CIP2A: variants seen among roughly 807,000 people sequenced by gnomAD.
CIP2A encodes cellular inhibitor of PP2A.
CIP2A carries 103 observed loss-of-function variants against 110.9 expected under a neutral mutation model. The ratio of observed to expected loss-of-function variants is 0.93; its 90% CI spans 0.79 to 1.09. The LOEUF (loss-of-function observed/expected upper bound fraction) is 1.09, where lower values mean the gene tolerates loss of function less well. Among genes scored for constraint, CIP2A ranks in the 50% least tolerant of loss-of-function variants. The probability of loss-of-function intolerance (pLI) is 0.00; values close to 1 mark genes in which losing one functional copy is unlikely to be tolerated. For missense variants in CIP2A, 1,088 were observed against 1,038.4 expected, an observed-to-expected ratio of 1.05 and a Z score of -0.66; for synonymous variants, 381 against 361.6, an observed-to-expected ratio of 1.05 and a Z score of -0.61.
chr3:108,575,752 A>ATG (rs1459568109), intron 8 of CIP2A, among the ~76,000 whole-genome samples: 1 of 55,590 alleles, frequency 1.8e-5, no homozygotes, highest in African/African-American at 6.6e-5. Context: ...ACTCATATAC[A>ATG]TGTGTATATA....
chr3:108,563,233 C>A lies in CIP2A; in HGVS notation c.1527G>T (p.Leu509Phe). The part of the protein sequence containing the change: ...SFYKILQDPR[L>F]ITPLAFALTS... ...TTAAAGCAAAAGCCAAAGGAGTAAT[C>A]AAACGTGGGTCCTAAATAAATCAGA... The change falls in exon 13 of 21, where the codon TTG (leucine) becomes TTT (phenylalanine). Residue 509 changes from leucine (L) to phenylalanine (F), a missense_variant. Transcript: ENST00000295746. 6.2e-7 allele frequency: 1 copy of A among 1,604,248 alleles called. No individual in the cohort carries two copies. Among genetic ancestry groups the A allele is most frequent in the South Asian group, 1.1e-5 (1 of 90,728 alleles).
In CIP2A at chr3:108,557,410, C is replaced by A. The variant is rs200594380; in HGVS notation, c.2018G>T (p.Arg673Leu). The A allele has an allele frequency of 1.9e-6, 3 of 1,573,900 alleles. No homozygotes were observed. Among genetic ancestry groups the A allele is most frequent in the Non-Finnish European group, 2.6e-6 (3 of 1,159,418 alleles). The change falls in exon 17 of 21, where the codon CGG becomes CTG. Residue 673 changes from arginine (R) to leucine (L), a missense_variant. Transcript: ENST00000295746. The stretch of plus-strand genomic sequence containing the variant: ...TTCTCTCAACATACTAGCAAGTGTC[C>A]GTGCCTCAAAAAAAAAAAGAAGATA... ...CQRTQAETEA[R>L]TLASMLREVE...
chr3:108,566,422 C>CA, intron 11 of CIP2A, 75 bp downstream of exon 11: 1 of 1,175,880 alleles, frequency 8.5e-7, no homozygotes, highest in Non-Finnish European at 1.2e-6. Flanking sequence ...GATGGTCCTC[C>CA]AAAAGGATGA....
At chr3:108,560,283 T>C (rs1392965071) in intron 14 of CIP2A, among the ~76,000 whole-genome samples, 1 of 152,070 alleles carries the variant, frequency 6.6e-6, no homozygotes, top group East Asian at 1.9e-4. Flanking sequence ...GTGATTCTCC[T>C]GCCTCAGCCT....
intron 1 of CIP2A, 26 bp downstream of exon 1, chr3:108,589,248 C>G (rs754432487): frequency 8.1e-5 from 127 of 1,563,390 alleles, no homozygotes; most frequent in Non-Finnish European, 1.0e-4. Context: ...GAAGCCCCAT[C>G]TGTCCTCTAC....
rs758445232 is a variant in CIP2A at position 108,579,559 on chromosome 3, T to C, written c.672+7A>G. On this transcript the variant is annotated splice_region_variant and intron_variant, in intron 6 of 20. Coordinates refer to ENST00000295746, the MANE Select transcript of CIP2A (RefSeq NM_020890.3). ...ACTTCAGAATAAATTTGAAAAATTG[T>C]ATTTACCTTTTCCCCCACCTCTTCA... The C allele has an allele frequency of 1.4e-5, 22 of 1,578,460 alleles. No individual in the cohort carries two copies. In the Admixed American group the frequency reaches 1.7e-4, roughly 12 times the overall value.
chr3:108,569,704 G>T, intron 8 of CIP2A, 97 bp from the exon 9 acceptor site: 1 of 902,960 alleles, frequency 1.1e-6, no homozygotes, highest in South Asian at 1.6e-5. Flanking sequence ...ATATTTTAAA[G>T]AAAATATTCT....
In CIP2A at chr3:108,589,334, GAC is replaced by G. The variant is rs1359649799; in HGVS notation, c.40_41del (p.Val14GlnfsTer40). On this transcript the variant is annotated frameshift_variant, in exon 1 of 21. Transcript: ENST00000295746. LOFTEE classifies it high-confidence loss of function. Reference sequence around the variant, plus strand: ...CTGACTTCACGGCTTTGTACTGACTGACAGTCAGGAGCAAGGACTTCAAGCAG... The same window carrying G: ...CTGACTTCACGGCTTTGTACTGACTGAGTCAGGAGCAAGGACTTCAAGCAG... ...TACLKSLLLT[V>X]SQYKAVKSEA... The G allele has an allele frequency of 6.2e-7, 1 of 1,613,924 alleles. No homozygotes were observed. The highest frequency in any genetic ancestry group is 1.3e-5 in the African/African-American group (1 of 74,956).
intron 8 of CIP2A, 110 bp downstream of exon 8, chr3:108,576,161 A>T (rs1938644263): frequency 1.6e-6 from 1 of 613,506 alleles, no homozygotes; most frequent in Admixed American, 3.1e-5. Flanking sequence ...CCCTATTATA[A>T]AAATACAGAA....
In CIP2A at chr3:108,575,328, A is replaced by G. The variant is rs538384496; in HGVS notation, c.894+943T>C. 2.1e-3 allele frequency among the ~76,000 whole-genome samples: 316 copies of G among 150,682 alleles called. 3 individuals carry two copies. The highest frequency in any genetic ancestry group is 1.4e-3 in the Non-Finnish European group (92 of 67,652). The stretch of plus-strand genomic sequence containing the variant: ...CGTACACACACGTGCATGTACACAC[A>G]CGTGTATATATACATATACACACAT... On this transcript the variant is annotated intron_variant, in intron 8 of 20. Coordinates refer to ENST00000295746, the MANE Select transcript of CIP2A (RefSeq NM_020890.3).
intron 10 of CIP2A, among the ~76,000 whole-genome samples, chr3:108,567,579 T>C (rs1409901593): frequency 2.0e-5 from 3 of 151,894 alleles, no homozygotes; most frequent in Non-Finnish European, 1.5e-5. Flanking sequence ...AAAATCAGTA[T>C]ATAGAAGTTA....
At chr3:108,560,364 G>T (rs1414197053) in intron 14 of CIP2A, among the ~76,000 whole-genome samples, 1 of 151,922 alleles carries the variant, frequency 6.6e-6, no homozygotes, top group Non-Finnish European at 1.5e-5. Flanking sequence ...ATAGAGACGG[G>T]GTTTCGCCAT....
In CIP2A at chr3:108,576,392, G is replaced by T. The variant is rs757185856; in HGVS notation, c.819-46C>A. 8 of 1,005,710 alleles carry T rather than the reference G, an allele frequency of 8.0e-6. No individual in the cohort carries two copies. The African/African-American group carries it at 1.3e-4, about 17-fold the overall frequency. The allele number at this position is 1,005,710 out of a possible 1,614,324, so 62.3% of individuals were successfully genotyped here. ...TACATCAAATGATAAATATAAAATT[G>T]ATACATCAAAAGGGATTTATCTACA... On this transcript the variant is annotated intron_variant, in intron 7 of 20. Transcript: ENST00000295746.
chr3:108,576,957 T>A (rs1010373957), intron 7 of CIP2A, among the ~76,000 whole-genome samples: 38 of 152,244 alleles, frequency 2.5e-4, no homozygotes, highest in African/African-American at 9.1e-4. Flanking sequence ...AATGCTATAA[T>A]GGAGGAATGT....
chr3:108,560,469 G>A (rs181003449), intron 14 of CIP2A, among the ~76,000 whole-genome samples, 180 bp downstream of exon 14: 73 of 152,160 alleles, frequency 4.8e-4, no homozygotes, highest in African/African-American at 1.5e-3. Flanking sequence ...CACCGCACCC[G>A]GCAAAATGTT....
Position 108,589,420 on chromosome 3 carries a change from G to A in CIP2A, c.-45C>T, listed in dbSNP as rs371917689. 2.1e-6 allele frequency: 3 copies of A among 1,425,006 alleles called. No individual in the cohort carries two copies. The highest frequency in any genetic ancestry group is 1.2e-5 in the South Asian group (1 of 83,296). 88.3% of individuals were successfully genotyped at this position (1,425,006 alleles called of 1,614,324 possible). A position where few individuals can be genotyped will look rare whatever the true frequency, so the allele number is the denominator to read the frequency against. ...CTTAGGGACCACCACCGCCCAGCGT[G>A]CGCCGGCCTTTAGCTTTCGCCGCGC... is the stretch of plus-strand genomic sequence containing the variant. On this transcript the variant is annotated 5_prime_UTR_variant, in exon 1 of 21. Transcript: ENST00000295746.
intron 13 of CIP2A, among the ~76,000 whole-genome samples, chr3:108,561,902 A>G (rs1938019104): frequency 6.6e-6 from 1 of 152,136 alleles, no homozygotes; most frequent in Non-Finnish European, 1.5e-5. Context: ...GAGGCAGAGG[A>G]TAAGACTTCC....
chr3:108,562,601 G>A (rs917127646), intron 13 of CIP2A, among the ~76,000 whole-genome samples: 1 of 151,976 alleles, frequency 6.6e-6, no homozygotes, highest in Admixed American at 6.6e-5. Flanking sequence ...TATTCTTATT[G>A]CTTGAAAGTA....
chr3:108,568,983 A>G (rs896009208), intron 9 of CIP2A, among the ~76,000 whole-genome samples: 1 of 151,116 alleles, frequency 6.6e-6, no homozygotes, highest in African/African-American at 2.4e-5. Context: ...CTAGCACATT[A>G]TCTGGCATGC....
Sources: allele counts gnomAD v4.1 joint callset (sites outside exome capture counted in the v4.1 genomes callset), GRCh38; gene constraint gnomAD v4.1.1; transcripts MANE v1.5; gene names NCBI Gene and HGNC (gene_info 2026-07-23, HGNC 2026-07-21).